Variants in SLC4A8 observed in about 807,000 individuals in gnomAD.
SLC4A8 encodes solute carrier family 4 member 8, also known as electroneutral sodium bicarbonate exchanger 1.
In SLC4A8, 40 loss-of-function variants were observed where a neutral mutation model predicts 125.0. That is an observed-to-expected ratio of 0.32 (90% CI 0.25 to 0.42). SLC4A8 has a LOEUF of 0.42. SLC4A8 is among the 10% of genes least tolerant of loss of function. SLC4A8 has a pLI of 1.00. For missense variants in SLC4A8, 863 were observed against 1,355.1 expected (o/e 0.64, Z 5.70); for synonymous variants, 456 against 476.0 (o/e 0.96, Z 0.55).
At chr12:51,473,908 G>A (rs1002379233) in intron 14 of SLC4A8, among the ~76,000 whole-genome samples, 2 of 152,230 alleles carry the variant, frequency 1.3e-5, no homozygotes, top group Admixed American at 1.3e-4. Context: ...AGGGTATAGA[G>A]AATAAGATAT....
At chr12:51,470,594 G>T in intron 13 of SLC4A8, 69 bp downstream of exon 13, 1 of 1,417,534 alleles carries the variant, frequency 7.1e-7, no homozygotes, top group African/African-American at 1.4e-5. Context: ...TAAATGTCAG[G>T]GTTCTACTCA....
chr12:51,515,730 C>T lies in SLC4A8; in HGVS notation c.*8292C>T, dbSNP rs1259950544. 2 of 152,092 alleles carry T rather than the reference C, an allele frequency of 1.3e-5. No individual in the cohort carries two copies. The highest frequency in any genetic ancestry group is 2.4e-5 in the African/African-American group (1 of 41,404). 9.4% of individuals were successfully genotyped at this position (152,092 alleles called of 1,614,324 possible). A position where few individuals can be genotyped will look rare whatever the true frequency, so the allele number is the denominator to read the frequency against. On this transcript the variant is annotated 3_prime_UTR_variant, in exon 25 of 25. Coordinates refer to ENST00000453097, the MANE Select transcript of SLC4A8 (RefSeq NM_001039960.3). ...TGCCCAGATTTTTGTGTGCTCACCTCAATGGGTGAAAAATAAAGTCTGTGT... is the reference window on the plus strand; with the variant it reads ...TGCCCAGATTTTTGTGTGCTCACCTTAATGGGTGAAAAATAAAGTCTGTGT...
intron 1 of SLC4A8, among the ~76,000 whole-genome samples, chr12:51,425,674 T>C (rs988687660): frequency 6.6e-6 from 1 of 152,132 alleles, no homozygotes; most frequent in African/African-American, 2.4e-5. Context: ...GTAACTGGTA[T>C]TGGAACTGTT....
At chr12:51,449,577 C>CT (rs1949897865) in intron 2 of SLC4A8, among the ~76,000 whole-genome samples, 1 of 152,080 alleles carries the variant, frequency 6.6e-6, no homozygotes, top group South Asian at 2.1e-4. Context: ...ATCTAGAGTG[C>CT]TGAGCAGCAG....
intron 1 of SLC4A8, among the ~76,000 whole-genome samples, chr12:51,438,263 A>G (rs147632145): frequency 7.7e-4 from 117 of 152,212 alleles, no homozygotes; most frequent in African/African-American, 2.6e-3. Context: ...TCCTTTAGCA[A>G]ATCTCTCCCT....
chr12:51,486,138 A>T (rs949628996), intron 17 of SLC4A8, among the ~76,000 whole-genome samples: 4 of 152,108 alleles, frequency 2.6e-5, no homozygotes, highest in Admixed American at 1.3e-4. Flanking sequence ...TATTATTATT[A>T]TTGTTATTAA....
chr12:51,452,040 C>G, intron 3 of SLC4A8, 84 bp from the exon 4 acceptor site: 1 of 1,309,808 alleles, frequency 7.6e-7, no homozygotes, highest in Non-Finnish European at 1.1e-6. Flanking sequence ...ATATATATTT[C>G]TAAAGTTGTT....
intron 14 of SLC4A8, 135 bp from the exon 15 acceptor site, chr12:51,474,205 GCC>G: frequency 3.8e-6 from 2 of 528,952 alleles, no homozygotes; most frequent in South Asian, 3.4e-5. Context: ...CTACAGAGGG[GCC>G]TCAGCTCCTC....
intron 11 of SLC4A8, among the ~76,000 whole-genome samples, chr12:51,464,703 C>T (rs954423642): frequency 6.6e-6 from 1 of 152,176 alleles, no homozygotes; most frequent in African/African-American, 2.4e-5. Context: ...GTCCTCTAAC[C>T]CCTTGCTTTC....
intron 15 of SLC4A8, 87 bp from the exon 16 acceptor site, chr12:51,474,958 G>A: frequency 8.2e-7 from 1 of 1,223,126 alleles, no homozygotes; most frequent in Non-Finnish European, 1.2e-6. Context: ...ACAACCATGG[G>A]ATGACAATGA....
chr12:51,441,452 G>A (rs1242815415), intron 2 of SLC4A8, among the ~76,000 whole-genome samples: 4 of 152,128 alleles, frequency 2.6e-5, no homozygotes, highest in Admixed American at 6.5e-5. Context: ...CCACATAACC[G>A]TTATGTGGTG....
At chr12:51,444,259 A>G (rs1413453546) in intron 2 of SLC4A8, among the ~76,000 whole-genome samples, 1 of 152,092 alleles carries the variant, frequency 6.6e-6, no homozygotes, top group Non-Finnish European at 1.5e-5. Flanking sequence ...TTCATTTCCT[A>G]GTGTCTGTTT....
intron 1 of SLC4A8, among the ~76,000 whole-genome samples, chr12:51,416,173 C>T (rs1948681856): frequency 6.7e-6 from 1 of 148,208 alleles, no homozygotes; most frequent in African/African-American, 2.5e-5. Flanking sequence ...TTAGTACCCA[C>T]TGGCCTGGGG....
At chr12:51,440,983 A>G (rs947944022) in intron 2 of SLC4A8, 194 bp downstream of exon 2, 12 of 986,408 alleles carry the variant, frequency 1.2e-5, no homozygotes, top group African/African-American at 1.7e-5. Context: ...TTACAGGGAT[A>G]TCATTAGGAT....
chr12:51,469,625 G>T lies in SLC4A8; in HGVS notation c.1361G>T (p.Gly454Val). The T allele has an allele frequency of 6.2e-7, 1 of 1,613,404 alleles. No homozygotes were observed. The highest frequency in any genetic ancestry group is 8.5e-7 in the Non-Finnish European group (1 of 1,179,928). Residue 454 changes from glycine (G) to valine (V), a missense_variant, in exon 12 of 25, where the codon GGC becomes GTC. Coordinates refer to ENST00000453097, the MANE Select transcript of SLC4A8 (RefSeq NM_001039960.3). ...ELQRTGRLFG[G>V]LVLDIKRKAP... ...TTGTGTTTCCACAGGCTATTTGGGG[G>T]CTTGGTGCTGGACATCAAGCGGAAG...
At chr12:51,437,947 A>T (rs536948549) in intron 1 of SLC4A8, among the ~76,000 whole-genome samples, 2 of 152,298 alleles carry the variant, frequency 1.3e-5, no homozygotes, top group African/African-American at 4.8e-5. Flanking sequence ...GATTCAGGGT[A>T]TTGATAGGAT....
rs1040960790 is a variant in SLC4A8, at chr12:51,461,252, T to C, written c.1062T>C (p.His354=). The change falls in exon 9 of 25, where the codon CAT becomes CAC. Residue 354 remains histidine (H), a synonymous_variant. Transcript: ENST00000453097. ...CAGTAGGGAAAGGTCAGCAGTACCA[T>C]GAGATTGGCAGATCCATGGCCACCA... The part of the protein sequence containing the change: ...LGPVGKGQQY[H]EIGRSMATIM... 2.0e-5 allele frequency: 32 copies of C among 1,610,708 alleles called. No homozygotes were observed. The highest frequency in any genetic ancestry group is 1.3e-4 in the Admixed American group (8 of 59,976).
chr12:51,444,087 G>C (rs1470435221), intron 2 of SLC4A8, among the ~76,000 whole-genome samples: 1 of 152,150 alleles, frequency 6.6e-6, no homozygotes, highest in Non-Finnish European at 1.5e-5. Context: ...AAAAAAGAAT[G>C]ACGAGTTAGA....
Position 51,457,543 on chromosome 12 carries a change from A to C in SLC4A8, c.763+4A>C, listed in dbSNP as rs1422100261. The C allele has an allele frequency of 6.2e-7, 1 of 1,610,392 alleles. No homozygotes were observed. The highest frequency in any genetic ancestry group is 2.2e-5 in the East Asian group (1 of 44,844). On this transcript the variant is annotated splice_donor_region_variant and intron_variant, in intron 6 of 24. Transcript: ENST00000453097. ...CCTCATTTGATGGATAAACATGGTAAGATTATTAGGTGATTTTTCTCTCTT... is the reference window on the plus strand; with the variant it reads ...CCTCATTTGATGGATAAACATGGTACGATTATTAGGTGATTTTTCTCTCTT...
Sources: gnomAD v4.1 joint callset for allele counts (sites outside exome capture counted in the v4.1 genomes callset) on GRCh38, gnomAD v4.1.1 for gene constraint, MANE v1.5 for transcripts, NCBI Gene and HGNC (gene_info 2026-07-23, HGNC 2026-07-21) for gene names.